The following LMO3 variants were observed in gnomAD, a reference collection of about 807,000 sequenced individuals.
LMO3 encodes the protein LIM domain only protein 3.
In LMO3, 2 loss-of-function variants were observed where a neutral mutation model predicts 15.8. The ratio of observed to expected loss-of-function variants is 0.13; its 90% confidence interval spans 0.05 to 0.40. The LOEUF (loss-of-function observed/expected upper bound fraction) is 0.40, where lower values mean the gene tolerates loss of function less well. Among genes scored for constraint, LMO3 ranks in the 10% least tolerant of loss-of-function variants. The probability of loss-of-function intolerance (pLI) is 0.99; values close to 1 mark genes in which losing one functional copy is unlikely to be tolerated. For missense variants in LMO3, 86 were observed against 182.2 expected (o/e 0.47, Z 3.04); for synonymous variants, 62 against 63.8 (o/e 0.97, Z 0.13).
Position 16,551,151 on chromosome 12 carries a change from T to A in LMO3, c.*71A>T, listed in dbSNP as rs2137242978. The A allele has an allele frequency of 1.0e-6, 1 of 984,286 alleles. No individual in the cohort carries two copies. The highest frequency in any genetic ancestry group is 1.6e-5 in the African/African-American group (1 of 62,556). 61.0% of individuals were successfully genotyped at this position (984,286 alleles called of 1,614,324 possible). A position where few individuals can be genotyped will look rare whatever the true frequency, so the allele number is the denominator to read the frequency against. Reference sequence around the variant, plus strand: ...TTCAGTAGGTTCCTGTGTCAATTCTTATGTACATGTGGAGCAAAAAAGATA... The same window carrying A: ...TTCAGTAGGTTCCTGTGTCAATTCTAATGTACATGTGGAGCAAAAAAGATA... On this transcript the variant is annotated 3_prime_UTR_variant, in exon 4 of 4. Transcript: ENST00000537304.
At chr12:16,553,121 T>G (rs1315968730) in intron 3 of LMO3, among the ~76,000 whole-genome samples, 1 of 152,118 alleles carries the variant, frequency 6.6e-6, no homozygotes, top group African/African-American at 2.4e-5. Flanking sequence ...ATGCTAAGCA[T>G]GTATGTACAT....
upstream of LMO3, chr12:16,607,479 C>A (rs546306748): frequency 2.0e-5 from 3 of 150,660 alleles, no homozygotes. Flanking sequence ...CTCCTCTCCT[C>A]TTAACTTTCC....
rs949647235 is a variant in LMO3, at chr12:16,559,926, C to T, written c.332+487G>A. The stretch of plus-strand genomic sequence containing the variant: ...CATGAGCCATGTTAGTGCCACTGCG[C>T]TCTAGGCTGGGTGACAGAACCAGAC... On this transcript the variant is annotated intron_variant, in intron 3 of 3. Coordinates refer to ENST00000537304, the MANE Select transcript of LMO3 (RefSeq NM_018640.5). This position sits in a 1 kb window ranked among gnomAD's most constrained non-coding sequence, Gnocchi z 4.1. Among the ~76,000 whole-genome samples the T allele has an allele frequency of 6.6e-6, 1 of 152,044 alleles. No homozygotes were observed. The highest frequency in any genetic ancestry group is 1.5e-5 in the Non-Finnish European group (1 of 68,016).
At chr12:16,556,451 T>G (rs1280995201) in intron 3 of LMO3, among the ~76,000 whole-genome samples, 2 of 152,204 alleles carry the variant, frequency 1.3e-5, no homozygotes, top group Non-Finnish European at 2.9e-5. Context: ...GAAAGGTTAT[T>G]ATTACTGCTA....
At chr12:16,552,866 C>A (rs544324148) in intron 3 of LMO3, among the ~76,000 whole-genome samples, 18 of 152,078 alleles carry the variant, frequency 1.2e-4, no homozygotes, top group Non-Finnish European at 2.2e-4. Flanking sequence ...TTTGTGCAAG[C>A]CAGTTTGATA....
At chr12:16,569,439 G>A (rs938713949) in intron 2 of LMO3, among the ~76,000 whole-genome samples, 1 of 152,144 alleles carries the variant, frequency 6.6e-6, no homozygotes, top group Admixed American at 6.5e-5. Context: ...GTTGCAAACA[G>A]TGTTTAAACA....
In LMO3 at chr12:16,582,016, C is replaced by A. The variant is rs1943175511; in HGVS notation, c.206+18639G>T. On this transcript the variant is annotated intron_variant, in intron 2 of 3. Coordinates refer to ENST00000537304, the MANE Select transcript of LMO3 (RefSeq NM_018640.5). This position sits in a 1 kb window ranked among gnomAD's most constrained non-coding sequence, Gnocchi z 4.1. ...TTCTTATCTTATTACATTGGCTAGA[C>A]CCTTTAAAACATTAAATATGAGGGA... Among the ~76,000 whole-genome samples, 1 of 151,958 alleles carries A rather than the reference C, an allele frequency of 6.6e-6. No homozygotes were observed. Among genetic ancestry groups the A allele is most frequent in the African/African-American group, 2.4e-5 (1 of 41,384 alleles).
chr12:16,551,021 C>T lies in LMO3; in HGVS notation c.*201G>A. The T allele has an allele frequency of 4.1e-6, 2 of 487,244 alleles. No individual in the cohort carries two copies. Among genetic ancestry groups the T allele is most frequent in the African/African-American group, 1.9e-5 (1 of 52,398 alleles). The allele number at this position is 487,244 out of a possible 1,614,324, so 30.2% of individuals were successfully genotyped here. A position where few individuals can be genotyped will look rare whatever the true frequency, so the allele number is the denominator to read the frequency against. ...CCAGCCATATGTACATTACTTTTTT[C>T]TTTAATAATAAACATTCAACTCTGA... On this transcript the variant is annotated 3_prime_UTR_variant, in exon 4 of 4. Coordinates refer to ENST00000537304, the MANE Select transcript of LMO3 (RefSeq NM_018640.5).
Position 16,555,265 on chromosome 12 carries a change from A to G in LMO3, c.333-3938T>C, listed in dbSNP as rs1942152375. On this transcript the variant is annotated intron_variant, in intron 3 of 3. Coordinates refer to ENST00000537304, the MANE Select transcript of LMO3 (RefSeq NM_018640.5). This position sits in a 1 kb window ranked among gnomAD's most constrained non-coding sequence, Gnocchi z 5.5. ...TTTTCTGTCTACTTAAATTGTAACA[A>G]TCCTTGAGTTCCCATTGCCTCCATC... Among the ~76,000 whole-genome samples the G allele has an allele frequency of 6.6e-6, 1 of 152,170 alleles. No homozygotes were observed. The highest frequency in any genetic ancestry group is 2.1e-4 in the South Asian group (1 of 4,832).
chr12:16,601,596 T>C (rs1244711897), intron 1 of LMO3, among the ~76,000 whole-genome samples: 1 of 152,196 alleles, frequency 6.6e-6, no homozygotes, highest in African/African-American at 2.4e-5. Context: ...CTAAAGTATA[T>C]GATTATACCA....
In LMO3 at chr12:16,554,149, G is replaced by T. The variant is rs143625589; in HGVS notation, c.333-2822C>A. ...TGAGTGATTTAGCTGACTTCATATA[G>T]TCTTAGAGACTTGAGAAGTATATGA... On this transcript the variant is annotated intron_variant, in intron 3 of 3. Coordinates refer to ENST00000537304, the MANE Select transcript of LMO3 (RefSeq NM_018640.5). 1.3e-4 allele frequency among the ~76,000 whole-genome samples: 20 copies of T among 152,246 alleles called. No homozygotes were observed. The East Asian group carries it at 2.9e-3, about 22-fold the overall frequency.
intron 3 of LMO3, among the ~76,000 whole-genome samples, chr12:16,554,070 C>A (rs764843319): frequency 6.6e-6 from 1 of 152,182 alleles, no homozygotes; most frequent in East Asian, 1.9e-4. Context: ...GATTATTAAA[C>A]CATCTAATTC....
Position 16,585,634 on chromosome 12 carries a change from G to T in LMO3, c.206+15021C>A, listed in dbSNP as rs942835149. Among the ~76,000 whole-genome samples the T allele has an allele frequency of 2.6e-5, 4 of 152,114 alleles. No homozygotes were observed. The highest frequency in any genetic ancestry group is 9.7e-5 in the African/African-American group (4 of 41,406). On this transcript the variant is annotated intron_variant, in intron 2 of 3. Transcript: ENST00000537304. The surrounding 1 kb of genome is among the most constrained non-coding windows in gnomAD (Gnocchi z 4.7). ...CCACCTGTATTTTCTTTCCGTTGAAGTCCACCCATTCCAATTATTTAAGTG... is the reference window on the plus strand; with the variant it reads ...CCACCTGTATTTTCTTTCCGTTGAATTCCACCCATTCCAATTATTTAAGTG...
rs1943335432 is a variant in LMO3 at position 16,586,737 on chromosome 12, C to G, written c.206+13918G>C. Among the ~76,000 whole-genome samples, 1 of 152,152 alleles carries G rather than the reference C, an allele frequency of 6.6e-6. No individual in the cohort carries two copies. The highest frequency in any genetic ancestry group is 2.1e-4 in the South Asian group (1 of 4,820). On this transcript the variant is annotated intron_variant, in intron 2 of 3. Coordinates refer to ENST00000537304, the MANE Select transcript of LMO3 (RefSeq NM_018640.5). This position sits in a 1 kb window ranked among gnomAD's most constrained non-coding sequence, Gnocchi z 4.3. ...GTAGATGATGTTTTTTTCCATTTCT[C>G]TGGTACTTGAGCTAAGCTCCTGTGG...
chr12:16,561,921 G>A (rs981774681), intron 2 of LMO3, among the ~76,000 whole-genome samples: 70 of 152,132 alleles, frequency 4.6e-4, no homozygotes, highest in African/African-American at 1.5e-3. Flanking sequence ...AAAAGTAAGC[G>A]AAGTTTACAT....
intron 2 of LMO3, among the ~76,000 whole-genome samples, chr12:16,577,303 T>C (rs1258507221): frequency 6.6e-6 from 1 of 152,180 alleles, no homozygotes; most frequent in Non-Finnish European, 1.5e-5. Flanking sequence ...TCTCCTAAAT[T>C]TCCTTTTCAG....
At chr12:16,605,865 A>G (rs1943979221) in intron 1 of LMO3, 1 of 1,519,568 alleles carries the variant, frequency 6.6e-7, no homozygotes, top group Admixed American at 2.0e-5. Flanking sequence ...GAAGCCTCAC[A>G]TGATTTAAAC....
intron 2 of LMO3, among the ~76,000 whole-genome samples, chr12:16,566,724 C>A (rs967052275): frequency 4.0e-5 from 6 of 151,856 alleles, no homozygotes; most frequent in Non-Finnish European, 8.8e-5. Flanking sequence ...ACAGATCATG[C>A]CAAAACAGAA....
chr12:16,608,036 G>C (rs1009578618), upstream of LMO3: 5 of 152,198 alleles, frequency 3.3e-5, no homozygotes, highest in Admixed American at 1.3e-4. This position sits in a 1 kb window ranked among gnomAD's most constrained non-coding sequence, Gnocchi z 4.1. Context: ...TTTCTGGCCC[G>C]TCTAGGCAGG....
Sources: allele counts gnomAD v4.1 joint callset (sites outside exome capture counted in the v4.1 genomes callset), GRCh38; gene constraint gnomAD v4.1.1; non-coding constraint Gnocchi (gnomAD v3.1); transcripts MANE v1.5; gene names NCBI Gene and HGNC (gene_info 2026-07-23, HGNC 2026-07-21).